Variants in GRIN2B observed in about 807,000 individuals in gnomAD.
The protein encoded by GRIN2B is glutamate receptor ionotropic, NMDA 2B.
Under a neutral mutation model 114.5 loss-of-function variants are expected in GRIN2B, and 5 were observed. The observed-to-expected ratio is 0.04, with a 90% confidence interval of 0.02 to 0.09. The LOEUF is 0.09. Ranked by LOEUF, GRIN2B falls within the 10% of genes least tolerant of loss-of-function variation. The probability of loss-of-function intolerance (pLI) is 1.00; values close to 1 mark genes in which losing one functional copy is unlikely to be tolerated. For synonymous variants in GRIN2B, 787 were observed against 745.1 expected, an observed-to-expected ratio of 1.06 and a Z score of -0.92; for missense variants, 1,108 against 1,943.5, an observed-to-expected ratio of 0.57 and a Z score of 8.08.
intron 3 of GRIN2B, among the ~76,000 whole-genome samples, chr12:13,864,511 C>T (rs1865793544): frequency 6.6e-6 from 1 of 152,140 alleles, no homozygotes; most frequent in Admixed American, 6.5e-5. Flanking sequence ...AAATGATAAA[C>T]GTAGCACTTG....
intron 5 of GRIN2B, among the ~76,000 whole-genome samples, chr12:13,674,443 T>C (rs910341667): frequency 6.6e-5 from 10 of 152,092 alleles, no homozygotes; most frequent in South Asian, 4.2e-4. Flanking sequence ...GCATGATAGA[T>C]TGAGGTCTTT....
chr12:13,771,223 G>C (rs1863902396), intron 3 of GRIN2B, among the ~76,000 whole-genome samples: 1 of 152,256 alleles, frequency 6.6e-6, no homozygotes, highest in Non-Finnish European at 1.5e-5. Flanking sequence ...GACATGCCTT[G>C]CTTCCCCTTC....
At chr12:13,767,816 TAA>T (rs999731381) in intron 3 of GRIN2B, among the ~76,000 whole-genome samples, 4 of 152,338 alleles carry the variant, frequency 2.6e-5, no homozygotes, top group African/African-American at 4.8e-5. Flanking sequence ...AAAATTTTCA[TAA>T]GAGTCCCCAA....
chr12:13,825,769 G>A (rs1046358741), intron 3 of GRIN2B, among the ~76,000 whole-genome samples: 6 of 151,650 alleles, frequency 4.0e-5, no homozygotes, highest in Admixed American at 6.6e-5. Flanking sequence ...TGCCCACCTC[G>A]GCCTCCCAAA....
rs115312196 is a variant in GRIN2B at position 13,849,995 on chromosome 12, C to T, written c.411+15803G>A. ...TGCAGATAAGCAAGCCTCTGATTAT[C>T]CTGGGAAAATAATAGGGACAATAGA... is the stretch of plus-strand genomic sequence containing the variant. On this transcript the variant is annotated intron_variant, in intron 3 of 13. Transcript: ENST00000609686. Among the ~76,000 whole-genome samples the T allele has an allele frequency of 2.3e-3, 353 of 152,170 alleles. 2 individuals carry two copies. The highest frequency in any genetic ancestry group is 8.3e-3 in the African/African-American group (343 of 41,504).
chr12:13,590,569 G>A (rs1948994637), intron 10 of GRIN2B, among the ~76,000 whole-genome samples: 1 of 152,170 alleles, frequency 6.6e-6, no homozygotes, highest in East Asian at 1.9e-4. Flanking sequence ...TCCCTGCAAA[G>A]GACATGAACT....
intron 3 of GRIN2B, among the ~76,000 whole-genome samples, chr12:13,776,059 A>T (rs1863997108): frequency 6.6e-6 from 1 of 152,222 alleles, no homozygotes; most frequent in Admixed American, 6.5e-5. Flanking sequence ...GGATAAAGAA[A>T]ATGTGGTATA....
chr12:13,758,394 A>G (rs1002553637), intron 3 of GRIN2B, among the ~76,000 whole-genome samples: 11 of 152,198 alleles, frequency 7.2e-5, no homozygotes, highest in African/African-American at 2.7e-4. Context: ...TTCAAAGAGA[A>G]CATATCTATT....
intron 5 of GRIN2B, among the ~76,000 whole-genome samples, chr12:13,623,941 G>T (rs187692071): frequency 1.3e-3 from 199 of 152,198 alleles, no homozygotes; most frequent in Middle Eastern, 3.4e-3. Flanking sequence ...ATGCCGTTTT[G>T]CTTTCTGTTG....
intron 4 of GRIN2B, among the ~76,000 whole-genome samples, chr12:13,700,332 C>T (rs146402287): frequency 5.3e-5 from 8 of 152,176 alleles, no homozygotes; most frequent in Non-Finnish European, 1.2e-4. Context: ...AACGAAAAAC[C>T]AACTTGAGGT....
chr12:13,690,080 C>T (rs551353881), intron 4 of GRIN2B, among the ~76,000 whole-genome samples: 2 of 152,220 alleles, frequency 1.3e-5, no homozygotes, highest in Admixed American at 1.3e-4. Flanking sequence ...ATCTTGTCTT[C>T]CATGATAGAC....
At position 13,562,863 on chromosome 12, in the gene GRIN2B, T is replaced by C. The variant is rs1384338205; in HGVS notation, c.4375A>G (p.Asn1459Asp). The C allele has an allele frequency of 6.2e-7, 1 of 1,614,164 alleles. No individual in the cohort carries two copies. Among genetic ancestry groups the C allele is most frequent in the Admixed American group, 1.7e-5 (1 of 60,028 alleles). ...CCATTGAAAGCCCTGGGGTTTTTGT[T>C]GTTAGGCACACAGGGGTTGGACTGG... ...GNQSNPCVPNNKNPRAFNGSS... is the reference protein window; with the variant it reads ...GNQSNPCVPNDKNPRAFNGSS... The change falls in exon 14 of 14, where the codon AAC becomes GAC. Residue 1459 changes from asparagine to aspartate, a missense_variant. Asn to Asp is a conservative substitution (Grantham distance 23). Coordinates refer to ENST00000609686, the MANE Select transcript of GRIN2B (RefSeq NM_000834.5).
At chr12:13,596,580 G>A (rs574924616) in intron 10 of GRIN2B, among the ~76,000 whole-genome samples, 10 of 152,166 alleles carry the variant, frequency 6.6e-5, no homozygotes, top group Admixed American at 1.3e-4. Context: ...CTGAGAGTGG[G>A]ATCTTTTCCT....
At chr12:13,776,434 TA>T (rs367956694) in intron 3 of GRIN2B, among the ~76,000 whole-genome samples, 5 of 151,636 alleles carry the variant, frequency 3.3e-5, no homozygotes, top group South Asian at 4.1e-4. Context: ...AGTTAAATAA[TA>T]AAAAAACTTC....
At chr12:13,812,739 G>A (rs959131003) in intron 3 of GRIN2B, among the ~76,000 whole-genome samples, 2 of 151,986 alleles carry the variant, frequency 1.3e-5, no homozygotes, top group African/African-American at 4.8e-5. Flanking sequence ...CAGATATGTC[G>A]ATTCAGGGTG....
At chr12:13,595,554 G>A (rs1305134827) in intron 10 of GRIN2B, among the ~76,000 whole-genome samples, 2 of 152,192 alleles carry the variant, frequency 1.3e-5, no homozygotes, top group Non-Finnish European at 2.9e-5. Flanking sequence ...AGGTAATGGT[G>A]CTCTGGGAGC....
At position 13,866,090 on chromosome 12, in the gene GRIN2B, A is replaced by C; in HGVS notation, c.119T>G (p.Ile40Ser). The change falls in exon 3 of 14, where the codon ATC becomes AGC. Residue 40 changes from isoleucine (I) to serine (S), a missense_variant. Physicochemically the swap from Ile to Ser is moderately radical, Grantham distance 142. Coordinates refer to ENST00000609686, the MANE Select transcript of GRIN2B (RefSeq NM_000834.5). ...KSPPSIGIAVILVGTSDEVAI... is the reference protein window; with the variant it reads ...KSPPSIGIAVSLVGTSDEVAI... ...CACCTCGTCGGAAGTGCCCACGAGGATGACAGCAATGCCAATGCTGGGGGG... is the reference window on the plus strand; with the variant it reads ...CACCTCGTCGGAAGTGCCCACGAGGCTGACAGCAATGCCAATGCTGGGGGG... 6.2e-7 allele frequency: 1 copy of C among 1,613,996 alleles called. No homozygotes were observed. Among genetic ancestry groups the C allele is most frequent in the Non-Finnish European group, 8.5e-7 (1 of 1,179,972 alleles).
intron 5 of GRIN2B, among the ~76,000 whole-genome samples, chr12:13,674,621 A>G (rs1274907594): frequency 6.6e-6 from 1 of 152,102 alleles, no homozygotes; most frequent in Non-Finnish European, 1.5e-5. Flanking sequence ...CTCTCTCTAG[A>G]AATATATAGC....
chr12:13,641,742 A>G (rs1321830406), intron 5 of GRIN2B, among the ~76,000 whole-genome samples: 1 of 152,178 alleles, frequency 6.6e-6, no homozygotes, highest in Non-Finnish European at 1.5e-5. Context: ...GAGGAAATGT[A>G]TAGGCAGGTG....
Sources: allele counts gnomAD v4.1 joint callset (sites outside exome capture counted in the v4.1 genomes callset), GRCh38; gene constraint gnomAD v4.1.1; transcripts MANE v1.5; gene names NCBI Gene and HGNC (gene_info 2026-07-23, HGNC 2026-07-21).